Variants in PRSS21 observed in about 807,000 individuals in gnomAD.
PRSS21 encodes the protein testisin.
Under a neutral mutation model 31.1 loss-of-function variants are expected in PRSS21, and 40 were observed. That is an observed-to-expected ratio of 1.29 (90% CI 1.00 to 1.68). PRSS21 has a LOEUF of 1.68. PRSS21 is among the 40% of genes most tolerant of loss of function. The probability of loss-of-function intolerance (pLI) is 0.00; values close to 1 mark genes in which losing one functional copy is unlikely to be tolerated. For synonymous variants in PRSS21, 186 were observed against 167.7 expected, an observed-to-expected ratio of 1.11 and a Z score of -0.84; for missense variants, 467 against 412.6, an observed-to-expected ratio of 1.13 and a Z score of -1.14.
intron 3 of PRSS21, 41 bp downstream of exon 3, chr16:2,818,007 G>A: frequency 6.5e-7 from 1 of 1,528,638 alleles, no homozygotes; most frequent in East Asian, 2.5e-5. Flanking sequence ...GGACGGGCAG[G>A]AACAGGGCTG....
chr16:2,819,115 C>T, intron 4 of PRSS21, 146 bp downstream of exon 4: 1 of 936,648 alleles, frequency 1.1e-6, no homozygotes, highest in Admixed American at 2.6e-5. Context: ...GGGCAGGGAC[C>T]AAACACCCAG....
chr16:2,818,999 G>T (rs969125837), intron 4 of PRSS21, 30 bp downstream of exon 4: 1 of 1,608,172 alleles, frequency 6.2e-7, no homozygotes, highest in South Asian at 1.1e-5. Flanking sequence ...GGTCAGGGAG[G>T]AACTGTCTTT....
At chr16:2,820,123 G>A (rs768822697) in intron 4 of PRSS21, among the ~76,000 whole-genome samples, 13 of 152,206 alleles carry the variant, frequency 8.5e-5, no homozygotes, top group Non-Finnish European at 1.9e-4. Flanking sequence ...CCCCCTGCCT[G>A]GTGTGCACCT....
chr16:2,819,089 C>G, intron 4 of PRSS21, 120 bp downstream of exon 4: 2 of 1,113,984 alleles, frequency 1.8e-6, no homozygotes, highest in Non-Finnish European at 2.6e-6. Context: ...TGCTTGCAGT[C>G]TCTCCTCACC....
At position 2,817,539 on chromosome 16, in the gene PRSS21, T is replaced by A; in HGVS notation, c.91+83T>A. On this transcript the variant is annotated intron_variant, in intron 2 of 5. Transcript: ENST00000005995. This position sits in a 1 kb window ranked among gnomAD's most constrained non-coding sequence, Gnocchi z 4.2. ...GGCGGTGAGGGGGTAGAGGGGGGCC[T>A]TTACTGCTCTCTCGCCCCCGCCCCC... 3 of 1,387,714 alleles carry A rather than the reference T, an allele frequency of 2.2e-6. No homozygotes were observed. The highest frequency in any genetic ancestry group is 2.9e-6 in the Non-Finnish European group (3 of 1,039,768). 86.0% of individuals were successfully genotyped at this position (1,387,714 alleles called of 1,614,324 possible).
At chr16:2,820,921 G>C (rs1567275608) in intron 4 of PRSS21, 34 bp from the exon 5 acceptor site, 1 of 1,605,862 alleles carries the variant, frequency 6.2e-7, no homozygotes, top group Admixed American at 1.7e-5. Context: ...GCCTCAGGTT[G>C]CTGTCTCTCT....
At position 2,818,718 on chromosome 16, in the gene PRSS21, T is replaced by A; in HGVS notation, c.299T>A (p.Phe100Tyr). ...LSDPSGWMVQFGQLTSMPSFW... is the reference protein window; with the variant it reads ...LSDPSGWMVQYGQLTSMPSFW... ...GATCCCTCCGGGTGGATGGTCCAGTTTGGCCAGCTGACTTCCATGCCATCC... is the reference window on the plus strand; with the variant it reads ...GATCCCTCCGGGTGGATGGTCCAGTATGGCCAGCTGACTTCCATGCCATCC... Residue 100 changes from phenylalanine to tyrosine, a missense_variant, in exon 4 of 6, where the codon TTT becomes TAT. Physicochemically the swap from Phe to Tyr is conservative, Grantham distance 22. Coordinates refer to ENST00000005995, the MANE Select transcript of PRSS21 (RefSeq NM_006799.4). The A allele has an allele frequency of 6.2e-7, 1 of 1,614,210 alleles. No homozygotes were observed. Among genetic ancestry groups the A allele is most frequent in the Non-Finnish European group, 8.5e-7 (1 of 1,180,008 alleles).
chr16:2,817,826 G>T lies in PRSS21; in HGVS notation c.117G>T (p.Thr39=). 1 of 1,550,836 alleles carries T rather than the reference G, an allele frequency of 6.4e-7. No individual in the cohort carries two copies. ...LSGPCGRRVI[T]SRIVGGEDAE... ...GACCATGCGGCCGACGGGTCATCAC[G>T]TCGCGCATCGTGGGTGGAGAGGACG... Residue 39 remains threonine, a synonymous_variant, in exon 3 of 6, where the codon ACG becomes ACT. Transcript: ENST00000005995. This position sits in a 1 kb window ranked among gnomAD's most constrained non-coding sequence, Gnocchi z 4.2.
rs2069099026 is a variant in PRSS21, at chr16:2,817,651, C to T, written c.92-150C>T. ...CCCTGCAGAGCACGTGGGAGGATCT[C>T]CAGTGTCACCTACTTCCTGCTGCAC... is the stretch of plus-strand genomic sequence containing the variant. On this transcript the variant is annotated intron_variant, in intron 2 of 5. Transcript: ENST00000005995. This position sits in a 1 kb window ranked among gnomAD's most constrained non-coding sequence, Gnocchi z 4.2. 3.2e-6 allele frequency: 4 copies of T among 1,261,950 alleles called. No individual in the cohort carries two copies. The South Asian group carries it at 4.3e-5, about 14-fold the overall frequency. The allele number at this position is 1,261,950 out of a possible 1,614,324, so 78.2% of individuals were successfully genotyped here.
In PRSS21 at chr16:2,817,687, G is replaced by T; in HGVS notation, c.92-114G>T. Reference sequence around the variant, plus strand: ...TACTTCCTGCTGCACACACGCGAGGGGACCCTGGGTGGGCAAAAACGTGCT... The same window carrying T: ...TACTTCCTGCTGCACACACGCGAGGTGACCCTGGGTGGGCAAAAACGTGCT... On this transcript the variant is annotated intron_variant, in intron 2 of 5. Coordinates refer to ENST00000005995, the MANE Select transcript of PRSS21 (RefSeq NM_006799.4). This position sits in a 1 kb window ranked among gnomAD's most constrained non-coding sequence, Gnocchi z 4.2. The T allele has an allele frequency of 1.4e-6, 2 of 1,393,144 alleles. No homozygotes were observed. The highest frequency in any genetic ancestry group is 1.9e-6 in the Non-Finnish European group (2 of 1,034,670). The allele number at this position is 1,393,144 out of a possible 1,614,324, so 86.3% of individuals were successfully genotyped here.
In PRSS21 at chr16:2,821,636, C is replaced by T; in HGVS notation, c.*31C>T. On this transcript the variant is annotated 3_prime_UTR_variant, in exon 6 of 6. Coordinates refer to ENST00000005995, the MANE Select transcript of PRSS21 (RefSeq NM_006799.4). ...CCTGAGCCCATGCAGCCTGGGGCCA[C>T]TGCCAAGTCAGGCCCTGGTTCTCTT... is the stretch of plus-strand genomic sequence containing the variant. 1.9e-6 allele frequency: 3 copies of T among 1,597,226 alleles called. No homozygotes were observed. Among genetic ancestry groups the T allele is most frequent in the African/African-American group, 1.3e-5 (1 of 74,758 alleles).
intron 4 of PRSS21, among the ~76,000 whole-genome samples, chr16:2,819,323 G>C (rs1274882855): frequency 6.6e-6 from 1 of 152,122 alleles, no homozygotes. Context: ...CTCCTGGGCT[G>C]CCTCTCCATG....
intron 4 of PRSS21, among the ~76,000 whole-genome samples, chr16:2,820,554 C>A (rs1422328641): frequency 6.6e-6 from 1 of 152,108 alleles, no homozygotes; most frequent in Admixed American, 6.5e-5. Flanking sequence ...GCCTGGAAAG[C>A]GCCCAGCTGC....
At chr16:2,820,419 G>T (rs550694029) in intron 4 of PRSS21, among the ~76,000 whole-genome samples, 40 of 152,328 alleles carry the variant, frequency 2.6e-4, no homozygotes, top group Admixed American at 2.4e-3. Context: ...CTTCCCCAGT[G>T]CCTTGCTGGG....
rs570527326 is a variant in PRSS21 at position 2,821,457 on chromosome 16, A to G, written c.797A>G (p.Asn266Ser). 3.0e-5 allele frequency: 48 copies of G among 1,614,210 alleles called. 1 individual carries two copies. The highest frequency in any genetic ancestry group is 1.3e-4 in the African/African-American group (10 of 75,058). ...VSWGVGCGRP[N>S]RPGVYTNISH... ...TGGGGAGTGGGCTGTGGTCGGCCCA[A>G]TCGGCCCGGTGTCTACACCAATATC... is the stretch of plus-strand genomic sequence containing the variant. The change falls in exon 6 of 6, where the codon AAT (asparagine) becomes AGT (serine). Residue 266 changes from asparagine (N) to serine (S), a missense_variant. Coordinates refer to ENST00000005995, the MANE Select transcript of PRSS21 (RefSeq NM_006799.4).
chr16:2,821,086 C>G lies in PRSS21; in HGVS notation c.682C>G (p.Gln228Glu). ...AGACATGGTTTGTGCTGGCAATGCC[C>G]AAGGCGGGAAGGATGCCTGCTTCGT... is the stretch of plus-strand genomic sequence containing the variant. ...FGDMVCAGNA[Q>E]GGKDACFGDS... The change falls in exon 5 of 6, where the codon CAA becomes GAA. Residue 228 changes from glutamine (Q) to glutamate (E), a missense_variant. Coordinates refer to ENST00000005995, the MANE Select transcript of PRSS21 (RefSeq NM_006799.4). The G allele has an allele frequency of 1.2e-6, 2 of 1,614,106 alleles. No individual in the cohort carries two copies. The highest frequency in any genetic ancestry group is 1.7e-6 in the Non-Finnish European group (2 of 1,180,028).
chr16:2,817,754 T>C lies in PRSS21; in HGVS notation c.92-47T>C. ...AAGGGGAGAAAGGGAGAGGTCGGGC[T>C]TGGGGGGCTGCCTCCCGCGGCTCAG... On this transcript the variant is annotated intron_variant, in intron 2 of 5. Transcript: ENST00000005995. The surrounding 1 kb of genome is among the most constrained non-coding windows in gnomAD (Gnocchi z 4.2). The C allele has an allele frequency of 6.5e-7, 1 of 1,537,136 alleles. No individual in the cohort carries two copies. Among genetic ancestry groups the C allele is most frequent in the Non-Finnish European group, 8.8e-7 (1 of 1,140,508 alleles).
At chr16:2,821,286 C>G (rs1218378185) in intron 5 of PRSS21, 80 bp from the exon 6 acceptor site, 2 of 1,572,608 alleles carry the variant, frequency 1.3e-6, no homozygotes, top group Non-Finnish European at 1.7e-6. Flanking sequence ...CTACCCAGCC[C>G]CATAGCCCTT....
chr16:2,817,812 C>T lies in PRSS21; in HGVS notation c.103C>T (p.Arg35Ter), dbSNP rs893534494. 4 of 1,550,044 alleles carry T rather than the reference C, an allele frequency of 2.6e-6. No homozygotes were observed. The African/African-American group carries it at 5.5e-5, about 21-fold the overall frequency. ...EAAPLSGPCG[R>*]RVITSRIVGG... Reference sequence around the variant, plus strand: ...TCTGACCATCCGAGGACCATGCGGCCGACGGGTCATCACGTCGCGCATCGT... The same window carrying T: ...TCTGACCATCCGAGGACCATGCGGCTGACGGGTCATCACGTCGCGCATCGT... Residue 35 changes from arginine (R) to a stop codon, truncating the protein, a stop_gained, in exon 3 of 6, where the codon CGA becomes TGA. Transcript: ENST00000005995. LOFTEE classifies it high-confidence loss of function. This position sits in a 1 kb window ranked among gnomAD's most constrained non-coding sequence, Gnocchi z 4.2.
Sources: allele counts gnomAD v4.1 joint callset (sites outside exome capture counted in the v4.1 genomes callset), GRCh38; gene constraint gnomAD v4.1.1; non-coding constraint Gnocchi (gnomAD v3.1); transcripts MANE v1.5; gene names NCBI Gene and HGNC (gene_info 2026-07-23, HGNC 2026-07-21).